STK3: variants seen among roughly 807,000 people sequenced by gnomAD.
STK3 encodes serine/threonine-protein kinase 3.
A neutral mutation model predicts 58.0 loss-of-function variants in STK3; 41 were observed. That is an observed-to-expected ratio of 0.71 (90% CI 0.55 to 0.92). STK3 has a LOEUF of 0.92. Ranked by LOEUF, STK3 falls within the 40% of genes least tolerant of loss-of-function variation. STK3 has a pLI of 0.00. For missense variants in STK3, 479 were observed against 602.7 expected (o/e 0.79, Z 2.15); for synonymous variants, 170 against 191.0 (o/e 0.89, Z 0.91).
intron 10 of STK3, among the ~76,000 whole-genome samples, chr8:98,491,193 G>GAGAGAGAC (rs199834517): frequency 4.9e-5 from 7 of 141,770 alleles, no homozygotes; most frequent in African/African-American, 1.8e-4. Flanking sequence ...GAGAGAGAGA[G>GAGAGAGAC]AGAGAGACAG....
chr8:98,706,244 A>C (rs867173800), intron 6 of STK3, among the ~76,000 whole-genome samples: 1 of 152,240 alleles, frequency 6.6e-6, no homozygotes, highest in Non-Finnish European at 1.5e-5. Context: ...GGGGAGGAGA[A>C]CAGTGATGGT....
At chr8:98,645,272 G>A (rs1820315030) in intron 6 of STK3, among the ~76,000 whole-genome samples, 2 of 152,132 alleles carry the variant, frequency 1.3e-5, no homozygotes, top group South Asian at 2.1e-4. Flanking sequence ...TCTTAGCAGC[G>A]TGTTCATCCT....
intron 1 of STK3, among the ~76,000 whole-genome samples, chr8:98,894,794 T>C (rs1228624777): frequency 6.6e-6 from 1 of 152,226 alleles, no homozygotes; most frequent in African/African-American, 2.4e-5. Flanking sequence ...TAAAATACCT[T>C]ACTCCTCTAA....
chr8:98,482,916 T>C (rs920638192), intron 10 of STK3, among the ~76,000 whole-genome samples: 3 of 152,210 alleles, frequency 2.0e-5, no homozygotes, highest in Admixed American at 1.3e-4. Flanking sequence ...AATAGTCTAA[T>C]ATTTTATAAA....
intron 3 of STK3, among the ~76,000 whole-genome samples, chr8:98,403,268 T>C (rs940536945): frequency 1.3e-5 from 2 of 152,196 alleles, no homozygotes; most frequent in Non-Finnish European, 2.9e-5. Context: ...TGCCACTTAA[T>C]TACTTGAACC....
chr8:98,349,782 T>G, the STK3 span, among the ~76,000 whole-genome samples: 1 of 152,164 alleles, frequency 6.6e-6, no homozygotes, highest in Non-Finnish European at 1.5e-5. Flanking sequence ...ACATTGGCCC[T>G]TTTTAGTCAT....
Position 98,555,650 on chromosome 8 carries a change from ATTC to A in STK3, c.949-7492_949-7490del, listed in dbSNP as rs1236792048. Reference sequence around the variant, plus strand: ...CATTCTGCTATAGCATGAAAAAAATATTCTTCAGAAAAAAACGTGTAAAATATA... The same window carrying A: ...CATTCTGCTATAGCATGAAAAAAATATTCAGAAAAAAACGTGTAAAATATA... On this transcript the variant is annotated intron_variant, in intron 8 of 10. Coordinates refer to ENST00000419617, the MANE Select transcript of STK3 (RefSeq NM_006281.4). Among the ~76,000 whole-genome samples the A allele has an allele frequency of 2.0e-5, 3 of 151,864 alleles. No homozygotes were observed. The East Asian group carries it at 5.8e-4, about 29-fold the overall frequency.
In STK3 at chr8:98,538,196, G is replaced by A. The variant is rs562731015; in HGVS notation, c.1141+9773C>T. 8.9e-4 allele frequency among the ~76,000 whole-genome samples: 135 copies of A among 152,230 alleles called. 1 individual carries two copies. Among genetic ancestry groups the A allele is most frequent in the African/African-American group, 3.2e-3 (133 of 41,546 alleles). ...TCTAAAAATATTTTAAGATGTGGGT[G>A]GTTCCACCTCATTAATGGCCTTCGA... is the stretch of plus-strand genomic sequence containing the variant. On this transcript the variant is annotated intron_variant, in intron 9 of 10. Coordinates refer to ENST00000419617, the MANE Select transcript of STK3 (RefSeq NM_006281.4).
chr8:98,655,726 C>T (rs1821438322), intron 6 of STK3, among the ~76,000 whole-genome samples: 1 of 151,914 alleles, frequency 6.6e-6, no homozygotes, highest in African/African-American at 2.4e-5. Flanking sequence ...CCAAAAAACA[C>T]ATGAAAAAAT....
At chr8:98,691,402 T>C (rs990958128) in intron 6 of STK3, among the ~76,000 whole-genome samples, 3 of 152,296 alleles carry the variant, frequency 2.0e-5, no homozygotes, top group African/African-American at 4.8e-5. Flanking sequence ...GTCATTTGCA[T>C]AGAAACAGTG....
At chr8:98,876,875 G>T (rs1157684364) in intron 3 of STK3, among the ~76,000 whole-genome samples, 1 of 152,242 alleles carries the variant, frequency 6.6e-6, no homozygotes, top group Non-Finnish European at 1.5e-5. Context: ...AGTTTTAAAT[G>T]TAGGCAATGT....
chr8:98,427,001 C>T (rs1322820972), intron 3 of STK3: 1 of 150,388 alleles, frequency 6.6e-6, no homozygotes, highest in Non-Finnish European at 1.5e-5. Context: ...CCGTCACACC[C>T]GCTCTGCTCC....
intron 2 of STK3, among the ~76,000 whole-genome samples, chr8:98,374,260 C>A (rs1214185259): frequency 6.6e-6 from 1 of 152,162 alleles, no homozygotes; most frequent in Non-Finnish European, 1.5e-5. Flanking sequence ...CTGGTCTGAA[C>A]AACTGAGGGG....
intron 6 of STK3, among the ~76,000 whole-genome samples, chr8:98,670,980 T>C (rs1822789666): frequency 6.6e-6 from 1 of 152,122 alleles, no homozygotes; most frequent in African/African-American, 2.4e-5. Context: ...GCAAGCCAGA[T>C]GCGGCCTGGC....
chr8:98,402,030 A>T (rs946802778), intron 3 of STK3, among the ~76,000 whole-genome samples: 1 of 152,196 alleles, frequency 6.6e-6, no homozygotes, highest in African/African-American at 2.4e-5. Context: ...TAAACATCCT[A>T]TCTATATACA....
intron 10 of STK3, among the ~76,000 whole-genome samples, chr8:98,474,844 C>T (rs2131244954): frequency 6.6e-6 from 1 of 152,268 alleles, no homozygotes; most frequent in South Asian, 2.1e-4. Context: ...TAAATTTCTG[C>T]CACATTAGAA....
chr8:98,435,362 G>C (rs1818449267), intron 2 of STK3, among the ~76,000 whole-genome samples: 1 of 152,252 alleles, frequency 6.6e-6, no homozygotes, highest in Non-Finnish European at 1.5e-5. Context: ...AAGTCAGTAA[G>C]TCTAGAGAAA....
At chr8:98,611,414 T>C (rs1426863624) in intron 6 of STK3, among the ~76,000 whole-genome samples, 6 of 151,852 alleles carry the variant, frequency 4.0e-5, no homozygotes, top group Non-Finnish European at 7.4e-5. Context: ...ATCTCAGAAA[T>C]TTAGTGTGAA....
intron 1 of STK3, among the ~76,000 whole-genome samples, chr8:98,936,756 T>G (rs913183704): frequency 2.6e-5 from 4 of 152,180 alleles, no homozygotes; most frequent in Admixed American, 1.3e-4. Flanking sequence ...TTAGTGTACT[T>G]TTCCAGGAAA....
Sources: gnomAD v4.1 joint callset for allele counts (sites outside exome capture counted in the v4.1 genomes callset) on GRCh38, gnomAD v4.1.1 for gene constraint, MANE v1.5 for transcripts, NCBI Gene and HGNC (gene_info 2026-07-23, HGNC 2026-07-21) for gene names.